Variants in ZNF112 observed in about 807,000 individuals in gnomAD.
The protein encoded by ZNF112 is zinc finger protein 112 (Y14).
Under a neutral mutation model 77.7 loss-of-function variants are expected in ZNF112, and 37 were observed. That is an observed-to-expected ratio of 0.48 (90% CI 0.37 to 0.63). ZNF112 has a LOEUF of 0.63. Ranked by LOEUF, ZNF112 falls within the 20% of genes least tolerant of loss-of-function variation. The pLI, the probability that ZNF112 is intolerant of heterozygous loss-of-function variation, is 0.00. For missense variants in ZNF112, 950 were observed against 1,077.4 expected (o/e 0.88, Z 1.66); for synonymous variants, 333 against 363.6 (o/e 0.92, Z 0.96).
chr19:44,337,405 T>TATATATA (rs1242248110), intron 2 of ZNF112, among the ~76,000 whole-genome samples: 7 of 61,626 alleles, frequency 1.1e-4, no homozygotes, highest in Non-Finnish European at 1.8e-4. Flanking sequence ...TAATATATAT[T>TATATATA]TTATATATAA....
chr19:44,354,569 T>G (rs1466431848), intron 1 of ZNF112, among the ~76,000 whole-genome samples: 1 of 152,118 alleles, frequency 6.6e-6, no homozygotes, highest in Non-Finnish European at 1.5e-5. Context: ...TAAGTGAGAT[T>G]AAGGAATATA....
intron 1 of ZNF112, among the ~76,000 whole-genome samples, chr19:44,363,497 C>T (rs1171021659): frequency 6.6e-6 from 1 of 152,132 alleles, no homozygotes; most frequent in Non-Finnish European, 1.5e-5. Context: ...TACTTTTTCA[C>T]CATAAATTTT....
At chr19:44,364,336 T>C (rs915821623) in intron 1 of ZNF112, among the ~76,000 whole-genome samples, 2 of 152,236 alleles carry the variant, frequency 1.3e-5, no homozygotes, top group African/African-American at 4.8e-5. Context: ...TAACAATTTG[T>C]ATGTCTTCCT....
intron 1 of ZNF112, among the ~76,000 whole-genome samples, chr19:44,354,107 G>A (rs975526960): frequency 3.9e-5 from 6 of 151,990 alleles, no homozygotes; most frequent in Non-Finnish European, 8.8e-5. Flanking sequence ...AAAAGAATCC[G>A]GTCTCAAATG....
chr19:44,343,741 C>T (rs1346095576), intron 1 of ZNF112, among the ~76,000 whole-genome samples: 1 of 152,128 alleles, frequency 6.6e-6, no homozygotes, highest in Non-Finnish European at 1.5e-5. Context: ...CACACAGTGC[C>T]AACAATATAT....
intron 3 of ZNF112, among the ~76,000 whole-genome samples, chr19:44,334,155 G>A (rs1304875646): frequency 6.6e-6 from 1 of 152,180 alleles, no homozygotes; most frequent in Admixed American, 6.5e-5. Context: ...CAACATTGGT[G>A]CTATGCTTTA....
chr19:44,360,311 G>A (rs201223832), upstream of ZNF112, among the ~76,000 whole-genome samples: 500 of 151,330 alleles, frequency 3.3e-3, 4 homozygotes, highest in African/African-American at 6.9e-3. Flanking sequence ...GGTCTATCTC[G>A]TCATAAATAT....
intron 1 of ZNF112, among the ~76,000 whole-genome samples, chr19:44,343,807 G>C (rs1429241233): frequency 6.6e-6 from 1 of 152,026 alleles, no homozygotes; most frequent in Admixed American, 6.6e-5. Flanking sequence ...ACTATACCAG[G>C]GATCTCTACT....
chr19:44,358,077 G>A (rs534125764), upstream of ZNF112, among the ~76,000 whole-genome samples: 52 of 151,180 alleles, frequency 3.4e-4, no homozygotes, highest in South Asian at 8.8e-3. Flanking sequence ...GCGTGAACCC[G>A]GGAGGCGGAG....
Position 44,362,891 on chromosome 19 carries a change from C to T in ZNF112, c.17+4190G>A, listed in dbSNP as rs185423890. ...CTTTCTGGCAAAATGTGTGGAATTT[C>T]GGATGCATATATATATATCTTGTGT... On this transcript the variant is annotated intron_variant, in intron 1 of 4. Transcript: ENST00000588057. Among the ~76,000 whole-genome samples the T allele has an allele frequency of 3.3e-4, 50 of 152,102 alleles. 1 individual carries two copies. In the East Asian group the frequency reaches 9.1e-3, roughly 28 times the overall value.
chr19:44,340,731 G>C (rs539855640), intron 1 of ZNF112, among the ~76,000 whole-genome samples, 189 bp from the exon 2 acceptor site: 32 of 152,246 alleles, frequency 2.1e-4, no homozygotes, highest in African/African-American at 7.7e-4. Flanking sequence ...CTTGCACTTT[G>C]AAATTACTTC....
chr19:44,329,783 G>T lies in ZNF112; in HGVS notation c.374C>A (p.Ser125Tyr), dbSNP rs1970235137. 6.2e-7 allele frequency: 1 copy of T among 1,613,882 alleles called. No individual in the cohort carries two copies. The highest frequency in any genetic ancestry group is 8.5e-7 in the Non-Finnish European group (1 of 1,180,008). The change falls in exon 4 of 4, where the codon TCT (serine) becomes TAT (tyrosine). Residue 125 changes from serine to tyrosine, a missense_variant. Ser to Tyr is a moderately radical substitution (Grantham distance 144). Coordinates refer to ENST00000354340, the MANE Select transcript of ZNF112 (RefSeq NM_013380.4). ...DFLKVFQGKN[S>Y]QLQEQGNSLG... ...GGAATTACCTTGTTCTTGCAACTGA[G>T]AATTCTTCCCTTGAAAAACTTTCAG...
intron 1 of ZNF112, among the ~76,000 whole-genome samples, chr19:44,354,416 A>C (rs568370262): frequency 6.6e-6 from 1 of 152,292 alleles, no homozygotes; most frequent in East Asian, 1.9e-4. Context: ...CCTCAGTTAT[A>C]AGGCATGGTC....
upstream of ZNF112, among the ~76,000 whole-genome samples, chr19:44,359,312 G>GTTTTT (rs1568680489): frequency 9.9e-6 from 1 of 101,490 alleles, no homozygotes; most frequent in African/African-American, 4.1e-5. Flanking sequence ...ATATATTAGA[G>GTTTTT]TTCTTTTTTT....
intron 1 of ZNF112, among the ~76,000 whole-genome samples, chr19:44,347,549 C>CTT (rs201473795): frequency 1.7e-4 from 13 of 77,380 alleles, no homozygotes; most frequent in Middle Eastern, 0.012. Context: ...GCTATATGTC[C>CTT]TTTTTTTTTT....
At chr19:44,352,217 T>C (rs911016538) in intron 1 of ZNF112, among the ~76,000 whole-genome samples, 1 of 152,050 alleles carries the variant, frequency 6.6e-6, no homozygotes, top group Non-Finnish European at 1.5e-5. Flanking sequence ...CCAAAAAGAA[T>C]AAATTTCTAC....
At position 44,329,706 on chromosome 19, in the gene ZNF112, A is replaced by T. The variant is rs142956688; in HGVS notation, c.451T>A (p.Tyr151Asn). The T allele has an allele frequency of 6.8e-6, 11 of 1,613,986 alleles. No homozygotes were observed. In the African/African-American group the frequency reaches 1.3e-4, roughly 20 times the overall value. Residue 151 changes from tyrosine (Y) to asparagine (N), a missense_variant, in exon 4 of 4, where the codon TAT becomes AAT. Tyr to Asn is a moderately radical substitution (Grantham distance 143, BLOSUM62 -2). Transcript: ENST00000354340. ...IPVQISEDKNYIFTHIGNGSN... is the reference protein window; with the variant it reads ...IPVQISEDKNNIFTHIGNGSN... The stretch of plus-strand genomic sequence containing the variant: ...CCATTCCCTATATGAGTGAATATAT[A>T]GTTCTTATCTTCAGAAATCTGAACT...
intron 1 of ZNF112, among the ~76,000 whole-genome samples, chr19:44,345,951 C>T (rs560557852): frequency 2.0e-5 from 3 of 152,292 alleles, no homozygotes; most frequent in South Asian, 4.1e-4. Flanking sequence ...CAATATTGTT[C>T]TTTCTTTTCA....
intron 3 of ZNF112, among the ~76,000 whole-genome samples, chr19:44,335,694 G>C (rs28635188): frequency 3.3e-5 from 5 of 152,158 alleles, no homozygotes; most frequent in Admixed American, 3.3e-4. Context: ...TTACTACTTG[G>C]ACCTTTAGAG....
Sources: allele counts gnomAD v4.1 joint callset (sites outside exome capture counted in the v4.1 genomes callset), GRCh38; gene constraint gnomAD v4.1.1; transcripts MANE v1.5; gene names NCBI Gene and HGNC (gene_info 2026-07-23, HGNC 2026-07-21).